Variants in MROH1 observed in about 807,000 individuals in gnomAD.
MROH1 encodes the protein maestro heat-like repeat-containing protein family member 1.
In MROH1, 117 loss-of-function variants were observed where a neutral mutation model predicts 116.5. The ratio of observed to expected loss-of-function variants is 1.00; its 90% CI spans 0.86 to 1.17. The LOEUF (loss-of-function observed/expected upper bound fraction) is 1.17. MROH1 is among the 50% of genes most tolerant of loss of function. MROH1 has a pLI of 0.00. For synonymous variants in MROH1, 921 were observed against 583.9 expected, an observed-to-expected ratio of 1.58 and a Z score of -8.32; for missense variants, 1,873 against 1,338.5, an observed-to-expected ratio of 1.40 and a Z score of -6.23.
At chr8:144,253,472 G>C (rs2133225853) in intron 33 of MROH1, among the ~76,000 whole-genome samples, 1 of 152,322 alleles carries the variant, frequency 6.6e-6, no homozygotes, top group Admixed American at 6.5e-5. Flanking sequence ...CTGGGCACAG[G>C]TTGGCTTGGC....
At chr8:144,261,079 C>CG in intron 41 of MROH1, 35 bp from the exon 42 acceptor site, 1 of 562,810 alleles carries the variant, frequency 1.8e-6, no homozygotes, top group Non-Finnish European at 3.5e-6. Context: ...GTGGGTGGGG[C>CG]GGGGCCAGGC....
rs140599671 is a variant in MROH1, at chr8:144,176,945, G to A, written c.169-2510G>A. 3.9e-3 allele frequency among the ~76,000 whole-genome samples: 595 copies of A among 152,244 alleles called. 2 individuals carry two copies. Among genetic ancestry groups the A allele is most frequent in the African/African-American group, 0.014 (569 of 41,554 alleles). On this transcript the variant is annotated intron_variant, in intron 4 of 43. Transcript: ENST00000326134. ...GGTGGGTGGAGGTGGCTGGTACAGT[G>A]AGACTGATTCCCCACCTGCCTCACT... is the stretch of plus-strand genomic sequence containing the variant.
chr8:144,168,144 T>G, intron 3 of MROH1, 151 bp from the exon 4 acceptor site: 4 of 896,430 alleles, frequency 4.5e-6, no homozygotes, highest in South Asian at 2.0e-5. Context: ...TGGAGGGAGG[T>G]TATACAAGAG....
At chr8:144,234,105 G>C (rs573166798) in intron 14 of MROH1, among the ~76,000 whole-genome samples, 1 of 152,224 alleles carries the variant, frequency 6.6e-6, no homozygotes, top group East Asian at 1.9e-4. Flanking sequence ...TGCCTCCCGG[G>C]TTCACGCCAT....
At chr8:144,168,239 T>C (rs1821436607) in intron 3 of MROH1, 56 bp from the exon 4 acceptor site, 2 of 1,490,728 alleles carry the variant, frequency 1.3e-6, no homozygotes, top group East Asian at 4.9e-5. Context: ...GCAGCCGAGG[T>C]GTGATAGGAG....
intron 5 of MROH1, among the ~76,000 whole-genome samples, chr8:144,179,971 C>T (rs562935670): frequency 9.0e-5 from 1 of 11,138 alleles, no homozygotes; most frequent in African/African-American, 1.0e-4. Context: ...CTCAGCAGCC[C>T]CTCACCTCTC....
intron 12 of MROH1, among the ~76,000 whole-genome samples, chr8:144,211,189 A>G (rs1057009136): frequency 1.3e-5 from 2 of 152,196 alleles, no homozygotes; most frequent in African/African-American, 2.4e-5. Context: ...ATTCAGAAAC[A>G]GATTCAGACT....
intron 12 of MROH1, among the ~76,000 whole-genome samples, chr8:144,206,301 C>A (rs1312108859): frequency 6.6e-6 from 1 of 152,216 alleles, no homozygotes; most frequent in East Asian, 1.9e-4. Flanking sequence ...TGAGCGTAGG[C>A]ATTCACTGAG....
At chr8:144,203,732 C>T (rs1204419658) in intron 12 of MROH1, among the ~76,000 whole-genome samples, 2 of 152,156 alleles carry the variant, frequency 1.3e-5, no homozygotes, top group African/African-American at 4.8e-5. Flanking sequence ...ATGCACTCAG[C>T]CTCTGGTGGT....
At chr8:144,152,672 G>C (rs867748701) in intron 1 of MROH1, among the ~76,000 whole-genome samples, 16,771 of 151,752 alleles carry the variant, frequency 0.11, 3,086 homozygotes, top group African/African-American at 0.38. Context: ...TCAGCCTCCC[G>C]AGTAGCTGGG....
At chr8:144,221,107 C>T (rs1836635998) in intron 13 of MROH1, among the ~76,000 whole-genome samples, 1 of 152,158 alleles carries the variant, frequency 6.6e-6, no homozygotes, top group Non-Finnish European at 1.5e-5. Flanking sequence ...AGTGTTAGAC[C>T]CCCCGCCCCT....
rs200090219 is a variant in MROH1, at chr8:144,201,864, A to T, written c.1141+1323A>T. Among the ~76,000 whole-genome samples, 295 of 152,002 alleles carry T rather than the reference A, an allele frequency of 1.9e-3. 4 individuals carry two copies. In the East Asian group the frequency reaches 0.04, roughly 21 times the overall value. ...CCCGTCTCTACTAAAAATATATATT[A>T]AAAAAAATTAGCCTGGCGTGGTGGC... is the stretch of plus-strand genomic sequence containing the variant. On this transcript the variant is annotated intron_variant, in intron 12 of 43. Transcript: ENST00000326134.
chr8:144,168,341 G>T lies in MROH1; in HGVS notation c.69G>T (p.Leu23=). 6.2e-7 allele frequency: 1 copy of T among 1,610,554 alleles called. No homozygotes were observed. Among genetic ancestry groups the T allele is most frequent in the Non-Finnish European group, 8.5e-7 (1 of 1,179,622 alleles). Residue 23 remains leucine, a synonymous_variant, in exon 4 of 44, where the codon CTG becomes CTT. Coordinates refer to ENST00000326134, the MANE Select transcript of MROH1 (RefSeq NM_032450.3). ...LLDAITDKDP[L]VQEQVCSALC... is the part of the protein sequence containing the mutation. The stretch of plus-strand genomic sequence containing the variant: ...ACGCCATCACCGATAAGGACCCCCT[G>T]GTGCAGGAGCAGGTCTGCAGTGCCC...
Position 144,202,824 on chromosome 8 carries a change from G to GA in MROH1, c.1141+2283_1141+2284insA, listed in dbSNP as rs200102969. Among the ~76,000 whole-genome samples the GA allele has an allele frequency of 8.7e-4, 55 of 63,552 alleles. 17 individuals carry two copies. The highest frequency in any genetic ancestry group is 5.2e-3 in the African/African-American group (55 of 10,544). The allele number at this position is 63,552 out of a possible 152,430, so 41.7% of individuals were successfully genotyped here. On this transcript the variant is annotated intron_variant, in intron 12 of 43. Coordinates refer to ENST00000326134, the MANE Select transcript of MROH1 (RefSeq NM_032450.3). ...AGCGCAGGCTCTCTGTGGAGGGGCG[G>GA]GGGGGGGCACCCGCTCTCTGTGGAG...
chr8:144,197,417 C>CTCT (rs1830152581), intron 10 of MROH1, among the ~76,000 whole-genome samples: 1 of 42,458 alleles, frequency 2.4e-5, no homozygotes, highest in Non-Finnish European at 3.7e-5. Flanking sequence ...GCTGCAGCAT[C>CTCT]TTTTTTTTTT....
At chr8:144,149,398 C>T (rs996667630) in intron 1 of MROH1, among the ~76,000 whole-genome samples, 42 of 152,224 alleles carry the variant, frequency 2.8e-4, no homozygotes, top group African/African-American at 9.6e-4. Flanking sequence ...GAGACCTGCA[C>T]CTCGTCATTT....
In MROH1 at chr8:144,154,174, C is replaced by G. The variant is rs1044930910; in HGVS notation, c.-177+6098C>G. ...CCACCTCCTGGGTTCAAGCCATTCTCCTGCCTCAGCCTTCCGAGTAGCTGG... is the reference window on the plus strand; with the variant it reads ...CCACCTCCTGGGTTCAAGCCATTCTGCTGCCTCAGCCTTCCGAGTAGCTGG... On this transcript the variant is annotated intron_variant, in intron 1 of 43. Coordinates refer to ENST00000326134, the MANE Select transcript of MROH1 (RefSeq NM_032450.3). Among the ~76,000 whole-genome samples the G allele has an allele frequency of 2.6e-5, 4 of 152,128 alleles. No individual in the cohort carries two copies. The South Asian group carries it at 8.3e-4, about 32-fold the overall frequency.
At chr8:144,213,658 G>A (rs755263762) in intron 12 of MROH1, among the ~76,000 whole-genome samples, 17 of 152,170 alleles carry the variant, frequency 1.1e-4, no homozygotes, top group Non-Finnish European at 1.6e-4. Context: ...GCGTGGTGGC[G>A]TGTGCCTATA....
chr8:144,168,382 A>AGGTG lies in MROH1; in HGVS notation c.112_113insTGGG (p.Ala38ValfsTer19). 6.2e-7 allele frequency: 1 copy of AGGTG among 1,611,608 alleles called. No individual in the cohort carries two copies. The highest frequency in any genetic ancestry group is 8.5e-7 in the Non-Finnish European group (1 of 1,179,612). ...TGCAGTGCCCTGTGCTCCCTCGGGG[A>AGGTG]GGCGCGGCCGGTGGAGACGCTCCGT... On this transcript the variant is annotated frameshift_variant, in exon 4 of 44. Coordinates refer to ENST00000326134, the MANE Select transcript of MROH1 (RefSeq NM_032450.3). LOFTEE classifies it high-confidence loss of function.
Sources: allele counts gnomAD v4.1 joint callset (sites outside exome capture counted in the v4.1 genomes callset), GRCh38; gene constraint gnomAD v4.1.1; transcripts MANE v1.5; gene names NCBI Gene and HGNC (gene_info 2026-07-23, HGNC 2026-07-21).